Variants in ANKFN1 observed in about 807,000 individuals in gnomAD.
ANKFN1 encodes ankyrin repeat and fibronectin type III domain containing 1, also known as ankyrin repeat and fibronectin type-III domain-containing protein 1.
ANKFN1 carries 74 observed loss-of-function variants against 108.7 expected under a neutral mutation model. The ratio of observed to expected loss-of-function variants is 0.68; its 90% confidence interval spans 0.56 to 0.83. ANKFN1 has a LOEUF of 0.83. Ranked by LOEUF, ANKFN1 falls within the 40% of genes least tolerant of loss-of-function variation. The pLI, the probability that ANKFN1 is intolerant of heterozygous loss-of-function variation, is 0.00. For synonymous variants in ANKFN1, 547 were observed against 516.2 expected, an observed-to-expected ratio of 1.06 and a Z score of -0.81; for missense variants, 1,505 against 1,382.3, an observed-to-expected ratio of 1.09 and a Z score of -1.41.
intron 4 of ANKFN1, among the ~76,000 whole-genome samples, chr17:56,330,165 G>A (rs566292497): frequency 6.0e-5 from 9 of 151,242 alleles, no homozygotes; most frequent in South Asian, 4.2e-4. Context: ...AATGTATAAA[G>A]GAAAGACTGG....
Position 56,405,116 on chromosome 17 carries a change from A to AACGCTCTATTGTT in ANKFN1, c.910+30412_910+30413insGTTACGCTCTATT, listed in dbSNP as rs1309491778. 3.3e-5 allele frequency among the ~76,000 whole-genome samples: 5 copies of AACGCTCTATTGTT among 152,234 alleles called. No individual in the cohort carries two copies. In the East Asian group the frequency reaches 7.7e-4, roughly 23 times the overall value. On this transcript the variant is annotated intron_variant, in intron 8 of 20. Coordinates refer to ENST00000682825, the MANE Select transcript of ANKFN1 (RefSeq NM_001370326.1). ...TGAGGGTTCTTAGCTCTGGTGGTTTAACGCTCTATTTTTGTGCTGGTTGGC... is the reference window on the plus strand; with the variant it reads ...TGAGGGTTCTTAGCTCTGGTGGTTTAACGCTCTATTGTTACGCTCTATTTTTGTGCTGGTTGGC...
intron 8 of ANKFN1, among the ~76,000 whole-genome samples, chr17:56,384,524 A>C (rs1234741250): frequency 1.3e-5 from 2 of 152,230 alleles, no homozygotes; most frequent in Non-Finnish European, 2.9e-5. Flanking sequence ...TTAGGAAAAG[A>C]GGAAATCAAA....
chr17:56,053,983 T>C (rs879879876), intron 4 of ANKFN1, among the ~76,000 whole-genome samples: 1 of 152,194 alleles, frequency 6.6e-6, no homozygotes, highest in Admixed American at 6.5e-5. Flanking sequence ...TAATGTGTAG[T>C]TTTTTATCCC....
intron 1 of ANKFN1, among the ~76,000 whole-genome samples, chr17:56,195,139 T>A (rs1196770340): frequency 6.6e-6 from 1 of 152,208 alleles, no homozygotes; most frequent in East Asian, 1.9e-4. Context: ...GCATTAATAT[T>A]CCTTTGGCCT....
chr17:56,373,883 A>G (rs184887352), intron 7 of ANKFN1, among the ~76,000 whole-genome samples: 20 of 152,352 alleles, frequency 1.3e-4, no homozygotes, highest in Non-Finnish European at 2.1e-4. Context: ...CAATTTTTGT[A>G]ATTTGCTAAA....
rs1325475648 is a variant in ANKFN1 at position 56,170,799 on chromosome 17, T to TACACACACACACACAC, written c.-71+17270_-71+17271insCACACACACACACACA. Among the ~76,000 whole-genome samples, 12 of 62,844 alleles carry TACACACACACACACAC rather than the reference T, an allele frequency of 1.9e-4. No individual in the cohort carries two copies. In the South Asian group the frequency reaches 2.5e-3, roughly 13 times the overall value. The allele number at this position is 62,844 out of a possible 152,430, so 41.2% of individuals were successfully genotyped here. A position where few individuals can be genotyped will look rare whatever the true frequency, so the allele number is the denominator to read the frequency against. On this transcript the variant is annotated intron_variant, in intron 1 of 20. Coordinates refer to ENST00000682825, the MANE Select transcript of ANKFN1 (RefSeq NM_001370326.1). ...TTATATATATATATATATATATATA[T>TACACACACACACACAC]ATATATATACACACACACACACACA...
intron 4 of ANKFN1, among the ~76,000 whole-genome samples, chr17:56,083,580 C>A (rs1231770890): frequency 1.3e-5 from 2 of 151,514 alleles, no homozygotes; most frequent in African/African-American, 4.8e-5. Flanking sequence ...GACAGAGGAT[C>A]TGCTCTTAGA....
intron 8 of ANKFN1, among the ~76,000 whole-genome samples, chr17:56,429,505 A>G (rs2048683707): frequency 6.6e-6 from 1 of 152,262 alleles, no homozygotes; most frequent in South Asian, 2.1e-4. Context: ...TTTTCACGTT[A>G]TGAAATATTT....
chr17:56,269,224 C>T (rs767338816), intron 3 of ANKFN1, among the ~76,000 whole-genome samples: 16 of 152,190 alleles, frequency 1.1e-4, no homozygotes, highest in Non-Finnish European at 7.3e-5. Flanking sequence ...CTGACCCTTC[C>T]TCAGCATAAA....
At chr17:56,063,732 T>G (rs1296864214) in intron 4 of ANKFN1, among the ~76,000 whole-genome samples, 1 of 152,118 alleles carries the variant, frequency 6.6e-6, no homozygotes, top group African/African-American at 2.4e-5. Context: ...TTACTCATCT[T>G]CTGAAGCCTA....
intron 6 of ANKFN1, among the ~76,000 whole-genome samples, chr17:56,357,241 T>C (rs1043177473): frequency 1.3e-5 from 2 of 152,220 alleles, no homozygotes; most frequent in African/African-American, 4.8e-5. Flanking sequence ...CAATGCAATA[T>C]TGGTTGTGTA....
intron 8 of ANKFN1, among the ~76,000 whole-genome samples, chr17:56,425,913 C>T (rs1041935439): frequency 6.6e-6 from 1 of 152,138 alleles, no homozygotes; most frequent in Admixed American, 6.5e-5. Context: ...TATTTACATC[C>T]CCAGGACATT....
chr17:56,046,253 A>ACAGCAGCAG, exon 4 of ANKFN1: 1 of 160,568 alleles, frequency 6.2e-6, no homozygotes, highest in South Asian at 1.9e-4. Context: ...AGCAGCAGCA[A>ACAGCAGCAG]CAGCAGCAGC....
At chr17:56,507,735 C>T (rs2051614001) in intron 20 of ANKFN1, among the ~76,000 whole-genome samples, 1 of 152,032 alleles carries the variant, frequency 6.6e-6, no homozygotes, top group Non-Finnish European at 1.5e-5. Context: ...GAGGCCTATA[C>T]ACTCGCTTCT....
chr17:56,302,992 A>G (rs1322421973), intron 3 of ANKFN1, among the ~76,000 whole-genome samples: 1 of 152,222 alleles, frequency 6.6e-6, no homozygotes, highest in Non-Finnish European at 1.5e-5. Flanking sequence ...GCCTGTTTAT[A>G]TGTTATTGCA....
chr17:56,484,508 C>T (rs1272038261), intron 18 of ANKFN1, among the ~76,000 whole-genome samples: 7 of 152,096 alleles, frequency 4.6e-5, no homozygotes, highest in Non-Finnish European at 7.4e-5. Flanking sequence ...CTCCCTTTAT[C>T]AGAAGTAAGG....
chr17:56,075,902 T>C (rs1206239925), intron 4 of ANKFN1, among the ~76,000 whole-genome samples: 1 of 152,206 alleles, frequency 6.6e-6, no homozygotes, highest in Non-Finnish European at 1.5e-5. Context: ...CATCCCCTTG[T>C]ACAATTTCTG....
chr17:56,185,809 A>C (rs1912142468), intron 1 of ANKFN1, among the ~76,000 whole-genome samples: 1 of 152,230 alleles, frequency 6.6e-6, no homozygotes. Flanking sequence ...GAAAATCAGC[A>C]AGTGCTTAAA....
At chr17:56,460,601 G>C (rs1395094065) in intron 14 of ANKFN1, among the ~76,000 whole-genome samples, 1 of 151,608 alleles carries the variant, frequency 6.6e-6, no homozygotes, top group Non-Finnish European at 1.5e-5. Context: ...GGAAATTAAT[G>C]ATTTTTTCTG....
Sources: allele counts gnomAD v4.1 joint callset (sites outside exome capture counted in the v4.1 genomes callset), GRCh38; gene constraint gnomAD v4.1.1; transcripts MANE v1.5; gene names NCBI Gene and HGNC (gene_info 2026-07-23, HGNC 2026-07-21).